NAV1: variants seen among roughly 807,000 people sequenced by gnomAD.
The protein encoded by NAV1 is pore membrane and/or filament interacting like protein 3.
Under a neutral mutation model 175.2 loss-of-function variants are expected in NAV1, and 18 were observed. The observed-to-expected ratio is 0.10, with a 90% CI of 0.07 to 0.15. The LOEUF is 0.15. Among genes scored for constraint, NAV1 ranks in the 10% least tolerant of loss-of-function variants. NAV1 has a pLI of 1.00. For missense variants in NAV1, 1,731 were observed against 2,436.6 expected, an observed-to-expected ratio of 0.71 and a Z score of 6.10; for synonymous variants, 897 against 978.7, an observed-to-expected ratio of 0.92 and a Z score of 1.56.
intron 15 of NAV1, chr1:201,795,413 G>A (rs1169647761): frequency 6.6e-6 from 1 of 152,052 alleles, no homozygotes; most frequent in African/African-American, 2.4e-5. Context: ...AATGTTTTGG[G>A]ATGCCCTCTT....
At chr1:201,567,706 G>C (rs1226516370) in intron 1 of NAV1, among the ~76,000 whole-genome samples, 1 of 152,106 alleles carries the variant, frequency 6.6e-6, no homozygotes, top group Non-Finnish European at 1.5e-5. Flanking sequence ...CTGCTTTGTG[G>C]AGGAAGGTGG....
intron 1 of NAV1, among the ~76,000 whole-genome samples, chr1:201,672,143 T>G (rs1261666959): frequency 9.5e-6 from 1 of 105,718 alleles, no homozygotes; most frequent in East Asian, 2.0e-4. Flanking sequence ...ATTTGAAACG[T>G]TTTTTCTCCC....
chr1:201,718,624 G>A lies in NAV1; in HGVS notation c.1095G>A (p.Lys365=). ...CCATGCCCATGCGCAGCCCCAGCAAGCTCAGCCATATCTCCCGCCTGGAGC... is the reference window on the plus strand; with the variant it reads ...CCATGCCCATGCGCAGCCCCAGCAAACTCAGCCATATCTCCCGCCTGGAGC... Residue 365 remains lysine, a synonymous_variant, in exon 3 of 30, where the codon AAG becomes AAA. Coordinates refer to ENST00000367296, the Ensembl canonical transcript of NAV1. This position sits in a 1 kb window ranked among gnomAD's most constrained non-coding sequence, Gnocchi z 4.8. The A allele has an allele frequency of 1.9e-6, 3 of 1,614,178 alleles. No individual in the cohort carries two copies. The highest frequency in any genetic ancestry group is 2.5e-6 in the Non-Finnish European group (3 of 1,180,036).
rs375785668 is a variant in NAV1, at chr1:201,735,354, A to G, written c.1226+16599A>G. Among the ~76,000 whole-genome samples the G allele has an allele frequency of 3.3e-5, 5 of 152,360 alleles. No homozygotes were observed. In the East Asian group the frequency reaches 9.6e-4, roughly 29 times the overall value. ...GAGCGGTTTGAACTAGATGCTCTCT[A>G]AAGTCCTTTTTGGCTCAAACGTTCT... On this transcript the variant is annotated intron_variant, in intron 3 of 29. Transcript: ENST00000367296.
At chr1:201,809,226 G>A (rs1465327067) in exon 21 of NAV1, 2 of 1,613,966 alleles carry the variant, frequency 1.2e-6, no homozygotes, top group Non-Finnish European at 1.7e-6. Context: ...CCTCCGGGTG[G>A]TGGTGAGGAT....
rs114102063 is a variant in NAV1, at chr1:201,611,853, G to A, written c.-32-11000G>A. ...GGAAATGGGCCAAAGGCGAGGGACA[G>A]CAAGGGACAGGGAGGACAGGTGGGA... On this transcript the variant is annotated intron_variant, in intron 2 of 33. Coordinates refer to the NAV1 transcript ENST00000685211. Among the ~76,000 whole-genome samples, 712 of 152,322 alleles carry A rather than the reference G, an allele frequency of 4.7e-3. 5 individuals are homozygous for A. Among genetic ancestry groups the A allele is most frequent in the African/African-American group, 0.016 (667 of 41,576 alleles).
At chr1:201,664,080 T>C (rs911767495) in intron 1 of NAV1, among the ~76,000 whole-genome samples, 1 of 152,200 alleles carries the variant, frequency 6.6e-6, no homozygotes, top group African/African-American at 2.4e-5. Context: ...CGGAGTATAG[T>C]GGCCAAATGC....
intron 1 of NAV1, chr1:201,688,441 A>C (rs949418218): frequency 2.6e-5 from 4 of 152,198 alleles, no homozygotes; most frequent in Non-Finnish European, 5.9e-5. Context: ...GAAGAAGATG[A>C]TCTGGGATAT....
chr1:201,614,039 G>C (rs1667929206), intron 2 of NAV1, among the ~76,000 whole-genome samples: 1 of 92,936 alleles, frequency 1.1e-5, no homozygotes, highest in Admixed American at 1.3e-4. Context: ...CTGGGTGGGG[G>C]TTGGGAAGAT....
At chr1:201,570,455 G>A (rs1206237468) in intron 1 of NAV1, among the ~76,000 whole-genome samples, 5 of 152,238 alleles carry the variant, frequency 3.3e-5, no homozygotes, top group Admixed American at 2.6e-4. Context: ...GGGCTCTCCA[G>A]CCAGCCAGCA....
intron 1 of NAV1, among the ~76,000 whole-genome samples, chr1:201,551,440 G>C (rs575287441): frequency 1.3e-5 from 2 of 152,170 alleles, no homozygotes; most frequent in South Asian, 4.2e-4. Context: ...TGTTGCCCAG[G>C]CTGGTCTGGA....
Position 201,782,542 on chromosome 1 carries a change from C to G in NAV1, c.2030C>G (p.Ala677Gly). The G allele has an allele frequency of 6.2e-7, 1 of 1,611,436 alleles. No individual in the cohort carries two copies. Among genetic ancestry groups the G allele is most frequent in the Non-Finnish European group, 8.5e-7 (1 of 1,177,760 alleles). Reference sequence around the variant, plus strand: ...CAGTACCGCAGCCTGCCCCGGCCAGCCAAGTCAAGTTCTATGAGCGTGACC... The same window carrying G: ...CAGTACCGCAGCCTGCCCCGGCCAGGCAAGTCAAGTTCTATGAGCGTGACC... The change falls in exon 6 of 30, where the codon GCC becomes GGC. Residue 677 changes from alanine (A) to glycine (G), a missense_variant. Physicochemically the swap from Ala to Gly is moderately conservative, Grantham distance 60. Around this residue, in one of 13 missense-constraint regions of NAV1, gnomAD observed 634 missense variants for 766.8 expected, o/e 0.83. Coordinates refer to ENST00000367296, the Ensembl canonical transcript of NAV1. The surrounding 1 kb of genome is among the most constrained non-coding windows in gnomAD (Gnocchi z 5.4).
intron 3 of NAV1, chr1:201,739,811 A>G (rs902050448): frequency 4.7e-5 from 58 of 1,230,030 alleles, no homozygotes; most frequent in Non-Finnish European, 5.7e-5. Context: ...CGGCGGGGAA[A>G]TGGGGCTCTG....
intron 1 of NAV1, among the ~76,000 whole-genome samples, chr1:201,575,908 G>T (rs140703876): frequency 6.6e-6 from 1 of 152,134 alleles, no homozygotes; most frequent in South Asian, 2.1e-4. Context: ...ATTTATTCGT[G>T]CATGCTTTCC....
rs1169673667 is a variant in NAV1, at chr1:201,602,671, T to G, written c.-33+14022T>G. ...TTTTGGTTTTTTTTTTTTTTGGTTT[T>G]TTTTTTACCATGAGCTCATCCAGAG... On this transcript the variant is annotated intron_variant, in intron 2 of 33. Coordinates refer to the NAV1 transcript ENST00000685211. Among the ~76,000 whole-genome samples, 34 of 145,814 alleles carry G rather than the reference T, an allele frequency of 2.3e-4. 1 individual carries two copies. The highest frequency in any genetic ancestry group is 7.1e-4 in the African/African-American group (29 of 40,700).
At chr1:201,557,110 T>TCAA (rs60032171) in intron 1 of NAV1, among the ~76,000 whole-genome samples, 55,482 of 151,752 alleles carry the variant, frequency 0.37, 10,377 homozygotes, top group African/African-American at 0.39. Flanking sequence ...CAGTTTGGTG[T>TCAA]CAAGTTGAAG....
At chr1:201,815,150 GT>G (rs1440318673) in intron 28 of NAV1, among the ~76,000 whole-genome samples, 2 of 151,936 alleles carry the variant, frequency 1.3e-5, no homozygotes, top group Non-Finnish European at 2.9e-5. Context: ...TGCATGTTAA[GT>G]TTTAATGAAA....
chr1:201,656,444 G>C (rs781768874), intron 1 of NAV1, among the ~76,000 whole-genome samples: 1 of 152,198 alleles, frequency 6.6e-6, no homozygotes, highest in African/African-American at 2.4e-5. Flanking sequence ...GTGTGGTCTG[G>C]TCTGAAAGGT....
rs76585529 is a variant in NAV1 at position 201,663,728 on chromosome 1, C to T, written c.757+14303C>T. On this transcript the variant is annotated intron_variant, in intron 1 of 29. Coordinates refer to ENST00000367296, the Ensembl canonical transcript of NAV1. ...TGGGCTTGGTGCTGATCCATTATTT[C>T]CCACAAGCATGGGGCTGGAGCTAGG... 5.6e-3 allele frequency among the ~76,000 whole-genome samples: 847 copies of T among 152,240 alleles called. 5 individuals carry two copies. The highest frequency in any genetic ancestry group is 0.019 in the African/African-American group (796 of 41,536).
Sources: allele counts gnomAD v4.1 joint callset (sites outside exome capture counted in the v4.1 genomes callset), GRCh38; gene constraint gnomAD v4.1.1; regional missense constraint gnomAD v4.1.1; non-coding constraint Gnocchi (gnomAD v3.1); transcripts MANE v1.5; gene names NCBI Gene and HGNC (gene_info 2026-07-23, HGNC 2026-07-21).